The following AUTS2 variants were observed in gnomAD, a reference collection of about 807,000 sequenced individuals.
AUTS2 encodes the protein activator of transcription and developmental regulator AUTS2.
A neutral mutation model predicts 112.4 loss-of-function variants in AUTS2; 17 were observed. The observed-to-expected ratio is 0.15, with a 90% CI of 0.10 to 0.23. AUTS2 has a LOEUF of 0.23. AUTS2 is among the 10% of genes least tolerant of loss of function. The pLI is 1.00. For synonymous variants in AUTS2, 751 were observed against 702.7 expected, an observed-to-expected ratio of 1.07 and a Z score of -1.09; for missense variants, 1,510 against 1,701.6, an observed-to-expected ratio of 0.89 and a Z score of 1.98.
chr7:70,099,646 G>C (rs1804383900), intron 2 of AUTS2, among the ~76,000 whole-genome samples: 1 of 151,988 alleles, frequency 6.6e-6, no homozygotes, highest in African/African-American at 2.4e-5. Flanking sequence ...GCATTTTTAA[G>C]GCAGAAAAAG....
chr7:70,667,243 T>A (rs1234983974), intron 5 of AUTS2, among the ~76,000 whole-genome samples: 1 of 152,194 alleles, frequency 6.6e-6, no homozygotes, highest in Non-Finnish European at 1.5e-5. Flanking sequence ...CATCATTTCC[T>A]TACTGTTTCC....
chr7:70,699,322 T>C (rs899316985), intron 6 of AUTS2: 1 of 152,218 alleles, frequency 6.6e-6, no homozygotes, highest in Admixed American at 6.5e-5. Flanking sequence ...ATATAAACTA[T>C]TTAATCTTCC....
intron 10 of AUTS2, among the ~76,000 whole-genome samples, chr7:70,770,523 T>A (rs1157603341): frequency 6.6e-6 from 1 of 152,218 alleles, no homozygotes; most frequent in Admixed American, 6.5e-5. Context: ...AACAAACCAA[T>A]AGGACCTCAA....
intron 5 of AUTS2, among the ~76,000 whole-genome samples, chr7:70,527,753 T>TG (rs1007788047): frequency 3.3e-5 from 5 of 152,140 alleles, no homozygotes; most frequent in Non-Finnish European, 5.9e-5. Flanking sequence ...TTGAATTCAC[T>TG]GGGGGGGAAG....
intron 5 of AUTS2, among the ~76,000 whole-genome samples, chr7:70,684,164 G>A (rs1276340851): frequency 1.3e-5 from 2 of 151,780 alleles, no homozygotes; most frequent in East Asian, 3.9e-4. Flanking sequence ...TTAGATCATT[G>A]TATATTAGCA....
At chr7:70,075,434 T>G (rs1292226690) in intron 2 of AUTS2, among the ~76,000 whole-genome samples, 1 of 152,176 alleles carries the variant, frequency 6.6e-6, no homozygotes, top group African/African-American at 2.4e-5. Flanking sequence ...GCACTCAATA[T>G]TGAGTGTGCT....
chr7:70,257,991 G>A (rs1374300644), intron 4 of AUTS2, among the ~76,000 whole-genome samples: 2 of 152,190 alleles, frequency 1.3e-5, no homozygotes, highest in African/African-American at 4.8e-5. Context: ...CACAGTTGTG[G>A]CTCTGCATCT....
At chr7:70,179,722 G>T (rs891829264) in intron 4 of AUTS2, among the ~76,000 whole-genome samples, 1 of 152,170 alleles carries the variant, frequency 6.6e-6, no homozygotes, top group Non-Finnish European at 1.5e-5. Flanking sequence ...TTCTGATCTA[G>T]AGGGAATTAT....
In AUTS2 at chr7:70,269,771, G is replaced by A. The variant is rs1787599571; in HGVS notation, c.660+135200G>A. Among the ~76,000 whole-genome samples, 2 of 152,140 alleles carry A rather than the reference G, an allele frequency of 1.3e-5. 1 individual carries two copies. Among genetic ancestry groups the A allele is most frequent in the South Asian group, 4.2e-4 (2 of 4,806 alleles). ...CTCACCTCTCTCATAGCCCATAACA[G>A]CAAACCAAACTCTTTGGCTCTTGGT... On this transcript the variant is annotated intron_variant, in intron 4 of 18. Coordinates refer to ENST00000342771, the MANE Select transcript of AUTS2 (RefSeq NM_015570.4).
At chr7:70,629,869 T>C (rs1805167010) in intron 5 of AUTS2, among the ~76,000 whole-genome samples, 1 of 152,236 alleles carries the variant, frequency 6.6e-6, no homozygotes, top group Admixed American at 6.5e-5. Context: ...CCTTGATATA[T>C]TTGCCTATTG....
chr7:70,610,782 G>T (rs1216677630), intron 5 of AUTS2, among the ~76,000 whole-genome samples: 1 of 152,046 alleles, frequency 6.6e-6, no homozygotes, highest in Non-Finnish European at 1.5e-5. Flanking sequence ...GCCATTTGTA[G>T]TTCTTCTTTT....
At chr7:69,787,699 G>A (rs1472198590) in intron 1 of AUTS2, among the ~76,000 whole-genome samples, 1 of 152,072 alleles carries the variant, frequency 6.6e-6, no homozygotes, top group Admixed American at 6.5e-5. Context: ...GATTACAGGC[G>A]TGCCACCATA....
chr7:70,302,286 G>T (rs746121056), intron 4 of AUTS2, among the ~76,000 whole-genome samples: 1 of 152,006 alleles, frequency 6.6e-6, no homozygotes, highest in Non-Finnish European at 1.5e-5. Context: ...GGTGGTGCAG[G>T]CTGGTATTCC....
In AUTS2 at chr7:69,837,560, G is replaced by T. The variant is rs577957862; in HGVS notation, c.310-61726G>T. Reference sequence around the variant, plus strand: ...CTGCCCCTCCTCTCCCTGCCTCCTGGTCTTGCCATGAGTCACTGCTGAGCC... The same window carrying T: ...CTGCCCCTCCTCTCCCTGCCTCCTGTTCTTGCCATGAGTCACTGCTGAGCC... On this transcript the variant is annotated intron_variant, in intron 1 of 18. Coordinates refer to ENST00000342771, the MANE Select transcript of AUTS2 (RefSeq NM_015570.4). Among the ~76,000 whole-genome samples the T allele has an allele frequency of 1.2e-4, 18 of 152,128 alleles. No homozygotes were observed. The East Asian group carries it at 3.3e-3, about 28-fold the overall frequency.
intron 5 of AUTS2, among the ~76,000 whole-genome samples, chr7:70,475,427 G>A (rs771373298): frequency 6.6e-6 from 1 of 152,030 alleles, no homozygotes; most frequent in Non-Finnish European, 1.5e-5. Context: ...CTGTTGACTA[G>A]TTTTATTTCC....
intron 5 of AUTS2, among the ~76,000 whole-genome samples, chr7:70,544,042 A>G (rs1339065474): frequency 6.6e-6 from 1 of 152,242 alleles, no homozygotes; most frequent in Admixed American, 6.5e-5. Flanking sequence ...GTAAGCAGGC[A>G]TCTTCTGTCA....
intron 1 of AUTS2, among the ~76,000 whole-genome samples, chr7:69,623,758 A>G (rs1321188838): frequency 6.6e-6 from 1 of 152,176 alleles, no homozygotes; most frequent in Non-Finnish European, 1.5e-5. Flanking sequence ...AATAGAACAC[A>G]TCCTGGAAAA....
intron 5 of AUTS2, among the ~76,000 whole-genome samples, chr7:70,672,190 G>A (rs1001549464): frequency 2.6e-5 from 4 of 152,228 alleles, no homozygotes; most frequent in African/African-American, 7.2e-5. Flanking sequence ...TGTAAGGCAG[G>A]AGGAGCTGGA....
At chr7:70,751,365 C>G (rs1301096365) in intron 6 of AUTS2, among the ~76,000 whole-genome samples, 3 of 152,184 alleles carry the variant, frequency 2.0e-5, no homozygotes, top group Non-Finnish European at 4.4e-5. Context: ...CTGCCTGTAT[C>G]TTTATTTTAT....
Sources: allele counts gnomAD v4.1 joint callset (sites outside exome capture counted in the v4.1 genomes callset), GRCh38; gene constraint gnomAD v4.1.1; transcripts MANE v1.5; gene names NCBI Gene and HGNC (gene_info 2026-07-23, HGNC 2026-07-21).